The following EPG5 variants were observed in gnomAD, a reference collection of about 807,000 sequenced individuals.
EPG5 encodes the protein ectopic P-granules 5 autophagy tethering factor.
Under a neutral mutation model 302.7 loss-of-function variants are expected in EPG5, and 159 were observed. The observed-to-expected ratio is 0.53, with a 90% CI of 0.46 to 0.60. The LOEUF (loss-of-function observed/expected upper bound fraction) is 0.60. Ranked by LOEUF, EPG5 falls within the 20% of genes least tolerant of loss-of-function variation. The pLI, the probability that EPG5 is intolerant of heterozygous loss-of-function variation, is 0.00. For synonymous variants in EPG5, 1,158 were observed against 1,136.8 expected, an observed-to-expected ratio of 1.02 and a Z score of -0.37; for missense variants, 2,896 against 3,092.4, an observed-to-expected ratio of 0.94 and a Z score of 1.51.
chr18:45,943,485 G>A (rs1178192895), intron 8 of EPG5, among the ~76,000 whole-genome samples, 174 bp from the exon 9 acceptor site: 1 of 152,122 alleles, frequency 6.6e-6, no homozygotes, highest in Non-Finnish European at 1.5e-5. Context: ...GAGACAATGT[G>A]CCAAATTAAA....
chr18:45,887,752 T>A lies in EPG5; in HGVS notation c.5108A>T (p.Gln1703Leu). ...FFTSCIEILG[Q>L]VFISGIKSEC... ...GGCAAAAGGTACAGATAGCCTTACC[T>A]GTCCCAAGATCTCAATACATGAAGT... The change falls in exon 29 of 44, where the codon CAG (glutamine) becomes CTG (leucine). Residue 1703 changes from glutamine to leucine, a missense_variant and splice_region_variant. This residue lies in a region of EPG5 where 790 missense variants were observed against 798.0 expected (regional missense o/e 0.99). Transcript: ENST00000282041. The A allele has an allele frequency of 3.9e-6, 6 of 1,557,240 alleles. No individual in the cohort carries two copies. The highest frequency in any genetic ancestry group is 5.3e-6 in the Non-Finnish European group (6 of 1,139,288).
intron 30 of EPG5, among the ~76,000 whole-genome samples, chr18:45,884,341 T>C (rs2049170643): frequency 6.6e-6 from 1 of 152,148 alleles, no homozygotes; most frequent in African/African-American, 2.4e-5. Flanking sequence ...AACCATCCCC[T>C]CTACTCCAGT....
chr18:45,922,332 A>G lies in EPG5; in HGVS notation c.3098+9T>C. 6.2e-7 allele frequency: 1 copy of G among 1,614,096 alleles called. No individual in the cohort carries two copies. The highest frequency in any genetic ancestry group is 8.5e-7 in the Non-Finnish European group (1 of 1,179,970). ...TCAGTAACCCTAGTGGTTCAGCCCA[A>G]CACTGTACCTGTGGCCCACAGCTGT... On this transcript the variant is annotated intron_variant, in intron 16 of 43. Coordinates refer to ENST00000282041, the MANE Select transcript of EPG5 (RefSeq NM_020964.3).
the EPG5 span, among the ~76,000 whole-genome samples, chr18:45,812,614 G>A: frequency 5.0e-4 from 76 of 152,128 alleles, no homozygotes; most frequent in African/African-American, 1.6e-3. Flanking sequence ...AAATAATGTC[G>A]CATATCTACA....
chr18:45,868,193 C>G (rs190434269), intron 36 of EPG5: 28 of 455,328 alleles, frequency 6.1e-5, no homozygotes, highest in African/African-American at 5.6e-4. Context: ...TGGGCCTACC[C>G]CTAGAGCTTT....
chr18:45,913,941 T>C, intron 20 of EPG5, 113 bp from the exon 21 acceptor site: 1 of 1,361,950 alleles, frequency 7.3e-7, no homozygotes, highest in Middle Eastern at 2.1e-4. Context: ...AATCAGCAAA[T>C]ATTTGCAGTT....
At chr18:45,919,544 G>T (rs755525558) in intron 16 of EPG5, among the ~76,000 whole-genome samples, 74 of 146,508 alleles carry the variant, frequency 5.1e-4, no homozygotes, top group Non-Finnish European at 5.5e-4. Context: ...ACAGAGTCTC[G>T]CTCTGTCGCC....
Position 45,934,799 on chromosome 18 carries a change from G to A in EPG5, c.2257+10C>T, listed in dbSNP as rs202068698. The A allele has an allele frequency of 4.7e-4, 758 of 1,595,892 alleles. 5 individuals carry two copies. In the African/African-American group the frequency reaches 9.4e-3, roughly 20 times the overall value. ...GAGAGCTGGACGCCGACTGCTCGGC[G>A]GGGCTGTACCTTGGAGCTGCTGCTT... is the stretch of plus-strand genomic sequence containing the variant. On this transcript the variant is annotated intron_variant, in intron 11 of 43. Transcript: ENST00000282041.
rs974846454 is a variant in EPG5 at position 45,850,533 on chromosome 18, G to A, written c.*1934C>T. 6.6e-6 allele frequency: 1 copy of A among 152,272 alleles called. No homozygotes were observed. The highest frequency in any genetic ancestry group is 2.4e-5 in the African/African-American group (1 of 41,550). 9.4% of individuals were successfully genotyped at this position (152,272 alleles called of 1,614,324 possible). On this transcript the variant is annotated 3_prime_UTR_variant, in exon 44 of 44. Transcript: ENST00000282041. ...CTGACCATCTCTGATTATTAATGAA[G>A]TTCAATGTCAAATAAATTAAATGAC... is the stretch of plus-strand genomic sequence containing the variant.
At chr18:45,934,071 C>G (rs1185567718) in intron 11 of EPG5, among the ~76,000 whole-genome samples, 1 of 151,956 alleles carries the variant, frequency 6.6e-6, no homozygotes, top group Non-Finnish European at 1.5e-5. Context: ...GGCAGATCAC[C>G]TGAGGTCAGG....
intron 30 of EPG5, among the ~76,000 whole-genome samples, chr18:45,882,784 G>A (rs1251450081): frequency 6.6e-6 from 1 of 152,076 alleles, no homozygotes; most frequent in African/African-American, 2.4e-5. Flanking sequence ...AAGGCAGGCT[G>A]ATCACCTGAG....
At chr18:45,819,143 A>G in the EPG5 span, among the ~76,000 whole-genome samples, 1 of 152,194 alleles carries the variant, frequency 6.6e-6, no homozygotes, top group African/African-American at 2.4e-5. Flanking sequence ...TCTCCATTTC[A>G]TGACTCATTT....
the EPG5 span, among the ~76,000 whole-genome samples, chr18:45,831,037 G>A: frequency 3.9e-5 from 6 of 152,120 alleles, no homozygotes; most frequent in African/African-American, 9.7e-5. Flanking sequence ...GACTACTGAC[G>A]CCAGAGAGCT....
At position 45,901,116 on chromosome 18, in the gene EPG5, G is replaced by A; in HGVS notation, c.4526C>T (p.Pro1509Leu). The change falls in exon 26 of 44, where the codon CCC (proline) becomes CTC (leucine). Residue 1509 changes from proline (P) to leucine (L), a missense_variant. Physicochemically the swap from Pro to Leu is moderately conservative, Grantham distance 98. This residue lies in a region of EPG5 where 790 missense variants were observed against 798.0 expected (regional missense o/e 0.99). Coordinates refer to ENST00000282041, the MANE Select transcript of EPG5 (RefSeq NM_020964.3). ...AGGCTTCGTCGGGTGCAGAGCAAGG[G>A]GAGGCTGGGGAGCCTCATGCTTCCG... ...NLRKHEAPQP[P>L]LALHPTKPPV... 1 of 1,614,130 alleles carries A rather than the reference G, an allele frequency of 6.2e-7. No individual in the cohort carries two copies. The highest frequency in any genetic ancestry group is 8.5e-7 in the Non-Finnish European group (1 of 1,180,028).
intron 27 of EPG5, among the ~76,000 whole-genome samples, chr18:45,892,449 T>C (rs1031534485): frequency 3.3e-5 from 5 of 152,204 alleles, no homozygotes; most frequent in African/African-American, 1.2e-4. Flanking sequence ...AATTTAAAAG[T>C]TGGACAAAGC....
At chr18:45,895,632 T>G (rs1429855986) in intron 27 of EPG5, among the ~76,000 whole-genome samples, 2 of 152,150 alleles carry the variant, frequency 1.3e-5, no homozygotes, top group Non-Finnish European at 2.9e-5. Flanking sequence ...AACTGAGAAG[T>G]GCTTAGAGAT....
the EPG5 span, among the ~76,000 whole-genome samples, chr18:45,824,105 G>C: frequency 6.6e-6 from 1 of 151,952 alleles, no homozygotes; most frequent in South Asian, 2.1e-4. Context: ...TGGGAACTGT[G>C]GTTGGGTGGG....
chr18:45,812,746 T>C, the EPG5 span, among the ~76,000 whole-genome samples: 3 of 152,244 alleles, frequency 2.0e-5, no homozygotes, highest in Non-Finnish European at 1.5e-5. Flanking sequence ...ATCCCTTCCT[T>C]ACACCTTATG....
chr18:45,852,288 C>A lies in EPG5; in HGVS notation c.*179G>T. 1.8e-6 allele frequency: 1 copy of A among 558,758 alleles called. No individual in the cohort carries two copies. Among genetic ancestry groups the A allele is most frequent in the Non-Finnish European group, 3.1e-6 (1 of 319,402 alleles). 34.6% of individuals were successfully genotyped at this position (558,758 alleles called of 1,614,324 possible). The stretch of plus-strand genomic sequence containing the variant: ...GTCTTAAGAGCTAAGAAAACACACA[C>A]ACACACACACACACACCCCAAAATT... On this transcript the variant is annotated 3_prime_UTR_variant, in exon 44 of 44. Coordinates refer to ENST00000282041, the MANE Select transcript of EPG5 (RefSeq NM_020964.3).
Sources: allele counts gnomAD v4.1 joint callset (sites outside exome capture counted in the v4.1 genomes callset), GRCh38; gene constraint gnomAD v4.1.1; regional missense constraint gnomAD v4.1.1; transcripts MANE v1.5; gene names NCBI Gene and HGNC (gene_info 2026-07-23, HGNC 2026-07-21).